Variants in MINPP1 observed in about 807,000 individuals in gnomAD.
MINPP1 encodes the protein multiple inositol-polyphosphate phosphatase 1, also known as multiple inositol polyphosphate phosphatase 1.
Under a neutral mutation model 46.1 loss-of-function variants are expected in MINPP1, and 28 were observed. That is an observed-to-expected ratio of 0.61 (90% confidence interval 0.45 to 0.83). The LOEUF (loss-of-function observed/expected upper bound fraction) is 0.83. Ranked by LOEUF, MINPP1 falls within the 40% of genes least tolerant of loss-of-function variation. MINPP1 has a pLI of 0.00. For synonymous variants in MINPP1, 268 were observed against 249.1 expected (o/e 1.08, Z -0.72); for missense variants, 603 against 610.0 (o/e 0.99, Z 0.12).
intron 2 of MINPP1, among the ~76,000 whole-genome samples, chr10:87,511,193 C>T (rs1564672078): frequency 1.3e-5 from 2 of 152,110 alleles, no homozygotes; most frequent in South Asian, 2.1e-4. Flanking sequence ...TCTTTTAATT[C>T]TGCCTGACAA....
chr10:87,507,987 T>G (rs1405547119), intron 1 of MINPP1: 2 of 1,386,726 alleles, frequency 1.4e-6, no homozygotes, highest in Non-Finnish European at 1.9e-6. Context: ...TCTCTCACCT[T>G]GTAAGTAGAA....
intron 3 of MINPP1, among the ~76,000 whole-genome samples, chr10:87,520,427 G>C (rs1200467486): frequency 6.6e-6 from 1 of 151,998 alleles, no homozygotes; most frequent in East Asian, 1.9e-4. Context: ...TTGCCCTCTA[G>C]AATGTCTATA....
chr10:87,549,987 G>A (rs1851939996), intron 4 of MINPP1, among the ~76,000 whole-genome samples: 1 of 152,174 alleles, frequency 6.6e-6, no homozygotes, highest in African/African-American at 2.4e-5. Flanking sequence ...GGCCAGGCAA[G>A]TAACAAAGGA....
At chr10:87,523,093 T>C (rs1851525993) in intron 4 of MINPP1, among the ~76,000 whole-genome samples, 1 of 152,252 alleles carries the variant, frequency 6.6e-6, no homozygotes, top group Admixed American at 6.5e-5. Context: ...ATTTTCTTGC[T>C]ATTTCCACCA....
rs377718268 is a variant in MINPP1, at chr10:87,552,062, C to T, written c.1068-20C>T. 1 of 1,591,986 alleles carries T rather than the reference C, an allele frequency of 6.3e-7. No individual in the cohort carries two copies. Among genetic ancestry groups the T allele is most frequent in the Non-Finnish European group, 8.6e-7 (1 of 1,163,962 alleles). On this transcript the variant is annotated intron_variant, in intron 4 of 4. Transcript: ENST00000371996. ...GACATTAATATATATACCTTATTTT[C>T]TCTTAATTTCTATTTGAAGGTCTCA...
At position 87,507,430 on chromosome 10, in the gene MINPP1, G is replaced by A. The variant is rs536858340; in HGVS notation, c.638-906G>A. 1.2e-4 allele frequency among the ~76,000 whole-genome samples: 18 copies of A among 152,246 alleles called. No homozygotes were observed. In the East Asian group the frequency reaches 2.7e-3, roughly 23 times the overall value. ...TTTCCTAGTCAAGATATTTTCTTAA[G>A]AATTGCAATCCAGTTGACAAAGTGG... On this transcript the variant is annotated intron_variant, in intron 1 of 4. Coordinates refer to ENST00000371996, the MANE Select transcript of MINPP1 (RefSeq NM_004897.5).
chr10:87,529,963 A>G (rs1851633767), intron 4 of MINPP1, among the ~76,000 whole-genome samples: 2 of 152,098 alleles, frequency 1.3e-5, no homozygotes, highest in Non-Finnish European at 2.9e-5. Context: ...TTGATCTTCA[A>G]TCACTGATAC....
intron 2 of MINPP1, among the ~76,000 whole-genome samples, chr10:87,512,157 C>T (rs1851344122): frequency 6.6e-6 from 1 of 152,160 alleles, no homozygotes; most frequent in Non-Finnish European, 1.5e-5. Flanking sequence ...GACTAGAGAG[C>T]AGCAGTGTTT....
chr10:87,540,451 CA>C (rs1250058669), intron 4 of MINPP1, among the ~76,000 whole-genome samples: 7 of 151,414 alleles, frequency 4.6e-5, no homozygotes, highest in Admixed American at 2.0e-4. Flanking sequence ...TCCTCTCTGT[CA>C]GTCTCTCTCC....
intron 4 of MINPP1, among the ~76,000 whole-genome samples, chr10:87,532,890 TGACA>T (rs1441038020): frequency 1.3e-5 from 2 of 152,052 alleles, no homozygotes; most frequent in Non-Finnish European, 2.9e-5. Context: ...CTCCACACAT[TGACA>T]GTCAGGCACC....
chr10:87,525,695 C>T (rs950618853), intron 4 of MINPP1, among the ~76,000 whole-genome samples: 26 of 152,188 alleles, frequency 1.7e-4, no homozygotes, highest in Admixed American at 1.3e-4. Context: ...ATCCTTTCCC[C>T]CTCCCCCTAC....
Position 87,552,359 on chromosome 10 carries a change from C to A in MINPP1, c.1345C>A (p.Gln449Lys). Reference protein sequence around the residue: ...NEKVLPLAYSQETVSFYEDLK... With the variant: ...NEKVLPLAYSKETVSFYEDLK... ...AAAGGTGTTACCTTTGGCTTACTCA[C>A]AAGAAACTGTTTCATTTTATGAAGA... Residue 449 changes from glutamine (Q) to lysine (K), a missense_variant, in exon 5 of 5, where the codon CAA becomes AAA. Transcript: ENST00000371996. The A allele has an allele frequency of 2.5e-6, 4 of 1,613,690 alleles. No individual in the cohort carries two copies. In the Middle Eastern group the frequency reaches 6.6e-4, roughly 267 times the overall value.
At chr10:87,506,435 C>T (rs1465884053) in intron 1 of MINPP1, among the ~76,000 whole-genome samples, 2 of 151,980 alleles carry the variant, frequency 1.3e-5, no homozygotes, top group South Asian at 2.1e-4. Flanking sequence ...GCCAGGTATG[C>T]CTCACATTTA....
intron 3 of MINPP1, among the ~76,000 whole-genome samples, chr10:87,519,158 C>T (rs1277299123): frequency 6.6e-6 from 1 of 152,160 alleles, no homozygotes; most frequent in East Asian, 1.9e-4. Context: ...GAGTTACAAA[C>T]CAGGAAGTGT....
intron 4 of MINPP1, among the ~76,000 whole-genome samples, chr10:87,530,132 C>T (rs1851636595): frequency 6.6e-6 from 1 of 152,172 alleles, no homozygotes; most frequent in Non-Finnish European, 1.5e-5. Context: ...TTTTTAGCTT[C>T]TTCGTGATGG....
chr10:87,552,013 C>G lies in MINPP1; in HGVS notation c.1068-69C>G, dbSNP rs1441432133. The G allele has an allele frequency of 8.2e-6, 10 of 1,226,146 alleles. No individual in the cohort carries two copies. In the East Asian group the frequency reaches 1.7e-4, roughly 21 times the overall value. The allele number at this position is 1,226,146 out of a possible 1,614,324, so 76.0% of individuals were successfully genotyped here. On this transcript the variant is annotated intron_variant, in intron 4 of 4. Coordinates refer to ENST00000371996, the MANE Select transcript of MINPP1 (RefSeq NM_004897.5). Reference sequence around the variant, plus strand: ...CTAAAAAAAGATGTGGAAGTTACTCCTAAGTGTAAATACTATGTTCTATGA... The same window carrying G: ...CTAAAAAAAGATGTGGAAGTTACTCGTAAGTGTAAATACTATGTTCTATGA...
chr10:87,533,846 A>G (rs908588701), intron 4 of MINPP1, among the ~76,000 whole-genome samples: 3 of 152,074 alleles, frequency 2.0e-5, no homozygotes, highest in African/African-American at 4.8e-5. Context: ...AGTGACACCA[A>G]GTGATTTTAG....
At chr10:87,540,476 GTC>G (rs1851798335) in intron 4 of MINPP1, among the ~76,000 whole-genome samples, 2 of 133,570 alleles carry the variant, frequency 1.5e-5, no homozygotes, top group Admixed American at 1.6e-4. Context: ...CTCTGTCTCT[GTC>G]TCTGTCTCTC....
In MINPP1 at chr10:87,549,466, C is replaced by T. The variant is rs548410269; in HGVS notation, c.1068-2616C>T. 3.3e-5 allele frequency among the ~76,000 whole-genome samples: 5 copies of T among 152,308 alleles called. No individual in the cohort carries two copies. The South Asian group carries it at 8.3e-4, about 25-fold the overall frequency. On this transcript the variant is annotated intron_variant, in intron 4 of 4. Coordinates refer to ENST00000371996, the MANE Select transcript of MINPP1 (RefSeq NM_004897.5). The stretch of plus-strand genomic sequence containing the variant: ...CTGTGCTCTCCAACACAGTAGCCAC[C>T]AGCAACATGTGATTGTTTGGTGCTT...
Sources: gnomAD v4.1 joint callset for allele counts (sites outside exome capture counted in the v4.1 genomes callset) on GRCh38, gnomAD v4.1.1 for gene constraint, MANE v1.5 for transcripts, NCBI Gene and HGNC (gene_info 2026-07-23, HGNC 2026-07-21) for gene names.